The following KIAA0586 variants were observed in gnomAD, a reference collection of about 807,000 sequenced individuals.
KIAA0586 encodes the protein protein TALPID3.
A neutral mutation model predicts 169.8 loss-of-function variants in KIAA0586; 144 were observed. The observed-to-expected ratio is 0.85, with a 90% CI of 0.74 to 0.97. The LOEUF is 0.97. KIAA0586 is among the 50% of genes least tolerant of loss of function. KIAA0586 has a pLI of 0.00. For missense variants in KIAA0586, 1,854 were observed against 1,823.0 expected (o/e 1.02, Z -0.31); for synonymous variants, 625 against 612.4 (o/e 1.02, Z -0.30).
At chr14:58,491,381 G>A (rs1431470305) in intron 25 of KIAA0586, among the ~76,000 whole-genome samples, 1 of 152,190 alleles carries the variant, frequency 6.6e-6, no homozygotes. Flanking sequence ...TTGAAATCAT[G>A]TACCAGTGGG....
chr14:58,502,866 A>C (rs184779118), intron 27 of KIAA0586, among the ~76,000 whole-genome samples: 25 of 152,324 alleles, frequency 1.6e-4, no homozygotes, highest in African/African-American at 5.1e-4. Context: ...AGAATCAACT[A>C]TATATGCTAG....
rs971755482 is a variant in KIAA0586, at chr14:58,463,409, A to G, written c.2059+2249A>G. 3.3e-5 allele frequency among the ~76,000 whole-genome samples: 5 copies of G among 152,346 alleles called. No individual in the cohort carries two copies. The South Asian group carries it at 6.2e-4, about 19-fold the overall frequency. ...ATGTTTAACACATATTAAATGCTGA[A>G]CAAACATTTTAAATAAACACTTAAG... is the stretch of plus-strand genomic sequence containing the variant. On this transcript the variant is annotated intron_variant, in intron 14 of 30. Transcript: ENST00000652326.
rs11851177 is a variant in KIAA0586, at chr14:58,457,718, G to A, written c.1363-41G>A. 1,773 of 1,282,062 alleles carry A rather than the reference G, an allele frequency of 1.4e-3. 14 individuals are homozygous for A. The African/African-American group carries it at 0.023, about 17-fold the overall frequency. 79.4% of individuals were successfully genotyped at this position (1,282,062 alleles called of 1,614,324 possible). ...AGCTGTTATTTTGATTAAAGGAATC[G>A]TTGTGAGTTTAGTAACTTTCTGGTC... On this transcript the variant is annotated intron_variant, in intron 10 of 30. Coordinates refer to ENST00000652326, the MANE Select transcript of KIAA0586 (RefSeq NM_001329943.3).
intron 26 of KIAA0586, among the ~76,000 whole-genome samples, chr14:58,494,190 C>T (rs939523184): frequency 6.6e-5 from 10 of 151,144 alleles, no homozygotes; most frequent in African/African-American, 2.4e-4. Flanking sequence ...TTTTCTTATC[C>T]CTTAAATTTT....
chr14:58,471,633 A>AT (rs1213760198), intron 17 of KIAA0586, among the ~76,000 whole-genome samples: 12 of 152,052 alleles, frequency 7.9e-5, no homozygotes, highest in Non-Finnish European at 1.8e-4. Flanking sequence ...GCTTAATTGA[A>AT]TTTTTTCATC....
At chr14:58,454,169 C>G (rs140416974) in intron 9 of KIAA0586, among the ~76,000 whole-genome samples, 1,975 of 152,186 alleles carry the variant, frequency 0.013, 28 homozygotes, top group Middle Eastern at 0.041. Flanking sequence ...ATTCTTTTGT[C>G]ATTTTCTCTA....
chr14:58,509,310 C>T, intron 28 of KIAA0586, among the ~76,000 whole-genome samples: 1 of 152,042 alleles, frequency 6.6e-6, no homozygotes, highest in East Asian at 1.9e-4. Context: ...GCATGCAATA[C>T]CTAGCTCAGT....
intron 29 of KIAA0586, chr14:58,521,432 T>C (rs980978721): frequency 2.7e-5 from 21 of 774,030 alleles, no homozygotes; most frequent in African/African-American, 2.1e-4. Context: ...TAGGTGGAGA[T>C]GTACAGCTCC....
chr14:58,469,417 T>A (rs985323592), intron 16 of KIAA0586, among the ~76,000 whole-genome samples: 1 of 152,210 alleles, frequency 6.6e-6, no homozygotes, highest in Non-Finnish European at 1.5e-5. Context: ...TTGGGCATCC[T>A]TCTGACAGCG....
In KIAA0586 at chr14:58,549,818, G is replaced by A. The variant is rs954462643; in HGVS notation, c.*1886G>A. 1 of 152,140 alleles carries A rather than the reference G, an allele frequency of 6.6e-6. No homozygotes were observed. Among genetic ancestry groups the A allele is most frequent in the Non-Finnish European group, 1.5e-5 (1 of 68,048 alleles). 9.4% of individuals were successfully genotyped at this position (152,140 alleles called of 1,614,324 possible). ...TTCATAGTTTTTTCTGCCTTGGAAG[G>A]ATTTCAGCAAAATCTTGTTTTAGTT... On this transcript the variant is annotated 3_prime_UTR_variant, in exon 31 of 31. Transcript: ENST00000652326.
intron 4 of KIAA0586, among the ~76,000 whole-genome samples, chr14:58,441,655 A>G (rs190479538): frequency 2.4e-3 from 370 of 152,246 alleles, no homozygotes; most frequent in Non-Finnish European, 4.4e-3. Context: ...TTTTCTGGAG[A>G]CAGAGTCTCG....
intron 20 of KIAA0586, among the ~76,000 whole-genome samples, chr14:58,481,905 C>T (rs1202809514): frequency 6.6e-6 from 1 of 151,908 alleles, no homozygotes; most frequent in African/African-American, 2.4e-5. Flanking sequence ...GCTCCACCTC[C>T]TGGGTTCACG....
chr14:58,556,510 T>C, the KIAA0586 span, among the ~76,000 whole-genome samples: 4 of 152,314 alleles, frequency 2.6e-5, no homozygotes, highest in South Asian at 6.2e-4. Flanking sequence ...AGCTCCCAAG[T>C]AGAACTACAA....
At chr14:58,499,779 G>C (rs1287210400) in intron 27 of KIAA0586, among the ~76,000 whole-genome samples, 2 of 151,216 alleles carry the variant, frequency 1.3e-5, no homozygotes, top group Non-Finnish European at 2.9e-5. Flanking sequence ...GGCTGGTCTC[G>C]AACTCCTGAC....
rs756960694 is a variant in KIAA0586, at chr14:58,490,176, T to C, written c.3794T>C (p.Ile1265Thr). The change falls in exon 25 of 31, where the codon ATA becomes ACA. Residue 1265 changes from isoleucine (I) to threonine (T), a missense_variant. Transcript: ENST00000652326. ...QKLAPKILED[I>T]GLYLTNLNDS... ...TTTTAATTTCTAGTTTTAGAAGATATAGGACTGTACCTGACAAACCTTAAT... is the reference window on the plus strand; with the variant it reads ...TTTTAATTTCTAGTTTTAGAAGATACAGGACTGTACCTGACAAACCTTAAT... 31 of 1,457,626 alleles carry C rather than the reference T, an allele frequency of 2.1e-5. No individual in the cohort carries two copies. In the Middle Eastern group the frequency reaches 1.6e-3, roughly 73 times the overall value. 90.3% of individuals were successfully genotyped at this position (1,457,626 alleles called of 1,614,324 possible). A position where few individuals can be genotyped will look rare whatever the true frequency, so the allele number is the denominator to read the frequency against.
intron 29 of KIAA0586, among the ~76,000 whole-genome samples, chr14:58,529,234 GC>G (rs1022024121): frequency 6.6e-6 from 1 of 152,092 alleles, no homozygotes; most frequent in African/African-American, 2.4e-5. Flanking sequence ...ACCAAAAAAA[GC>G]CCAGGACCAG....
chr14:58,444,286 T>C, intron 6 of KIAA0586, 111 bp downstream of exon 6: 1 of 708,608 alleles, frequency 1.4e-6, no homozygotes, highest in Non-Finnish European at 2.4e-6. Flanking sequence ...GTTTTAGTTC[T>C]GAAATCATGA....
chr14:58,542,305 C>T (rs953357047), intron 30 of KIAA0586, among the ~76,000 whole-genome samples: 5 of 152,014 alleles, frequency 3.3e-5, no homozygotes, highest in Admixed American at 6.6e-5. Flanking sequence ...GGTGAAACCC[C>T]GTCTCTACTA....
At chr14:58,480,130 C>G (rs557436791) in intron 20 of KIAA0586, among the ~76,000 whole-genome samples, 18 of 152,212 alleles carry the variant, frequency 1.2e-4, no homozygotes, top group Non-Finnish European at 2.4e-4. Context: ...TTTCTCATTA[C>G]CTACTTCCTC....
Sources: allele counts gnomAD v4.1 joint callset (sites outside exome capture counted in the v4.1 genomes callset), GRCh38; gene constraint gnomAD v4.1.1; transcripts MANE v1.5; gene names NCBI Gene and HGNC (gene_info 2026-07-23, HGNC 2026-07-21).